CARD14: variants seen among roughly 807,000 people sequenced by gnomAD.
The protein encoded by CARD14 is caspase recruitment domain-containing protein 14.
In CARD14, 107 loss-of-function variants were observed where a neutral mutation model predicts 111.5. The ratio of observed to expected loss-of-function variants is 0.96; its 90% CI spans 0.82 to 1.13. The LOEUF is 1.13. CARD14 is among the 50% of genes most tolerant of loss of function. The pLI, the probability that CARD14 is intolerant of heterozygous loss-of-function variation, is 0.00. For synonymous variants in CARD14, 617 were observed against 579.6 expected (o/e 1.06, Z -0.93); for missense variants, 1,322 against 1,362.3 (o/e 0.97, Z 0.47).
At chr17:80,206,398 G>C (rs1408179744) in intron 22 of CARD14, among the ~76,000 whole-genome samples, 1 of 152,262 alleles carries the variant, frequency 6.6e-6, no homozygotes, top group Non-Finnish European at 1.5e-5. Flanking sequence ...AAGATTGCTT[G>C]AGCCCAGGAA....
chr17:80,205,395 G>T, intron 21 of CARD14, 136 bp from the exon 22 acceptor site: 2 of 1,295,878 alleles, frequency 1.5e-6, no homozygotes, highest in Non-Finnish European at 2.1e-6. Context: ...GCAGGGTCAG[G>T]TTTGTAAAGT....
In CARD14 at chr17:80,195,333, G is replaced by GGT. The variant is rs1351825003; in HGVS notation, c.1499+1_1499+2dup. On this transcript the variant is annotated frameshift_variant and splice_region_variant. Transcript: ENST00000648509. LOFTEE classifies it high-confidence loss of function. This position sits in a 1 kb window ranked among gnomAD's most constrained non-coding sequence, Gnocchi z 4.7. Reference sequence around the variant, plus strand: ...TTCGGGGAAGAACCCTGGTCTTTCAGGTAGAGCACTGGGGTCCTTCCTGGC... The same window carrying GGT: ...TTCGGGGAAGAACCCTGGTCTTTCAGGTGTAGAGCACTGGGGTCCTTCCTGGC... 6.2e-7 allele frequency: 1 copy of GGT among 1,609,924 alleles called. No homozygotes were observed. Among genetic ancestry groups the GGT allele is most frequent in the Non-Finnish European group, 8.5e-7 (1 of 1,177,678 alleles).
intron 16 of CARD14, among the ~76,000 whole-genome samples, chr17:80,200,004 G>A (rs1479638448): frequency 6.6e-6 from 1 of 152,134 alleles, no homozygotes; most frequent in Non-Finnish European, 1.5e-5. Context: ...CTCCAGGAGG[G>A]GACTGGGGAT....
intron 23 of CARD14, among the ~76,000 whole-genome samples, 176 bp from the exon 24 acceptor site, chr17:80,207,962 C>T (rs1447806640): frequency 6.6e-6 from 1 of 152,172 alleles, no homozygotes; most frequent in African/African-American, 2.4e-5. Flanking sequence ...AGGCTGTGTT[C>T]TAGACAACCT....
At position 80,205,109 on chromosome 17, in the gene CARD14, G is replaced by T. The variant is rs538251591; in HGVS notation, c.2473G>T (p.Ala825Ser). Residue 825 changes from alanine (A) to serine (S), a missense_variant, in exon 21 of 24, where the codon GCC becomes TCC. Transcript: ENST00000648509. ...PYTLVRPHRPARPRPVLLVPR... is the reference protein window; with the variant it reads ...PYTLVRPHRPSRPRPVLLVPR... The stretch of plus-strand genomic sequence containing the variant: ...TACCCTGGTGCGGCCCCATCGACCC[G>T]CCCGGCCCCGGCCTGTGCTCCTCGT... The T allele has an allele frequency of 6.2e-7, 1 of 1,613,542 alleles. No individual in the cohort carries two copies. The highest frequency in any genetic ancestry group is 8.5e-7 in the Non-Finnish European group (1 of 1,179,902).
At chr17:80,174,993 T>A (rs2039992396) in intron 2 of CARD14, among the ~76,000 whole-genome samples, 1 of 151,898 alleles carries the variant, frequency 6.6e-6, no homozygotes, top group African/African-American at 2.4e-5. Flanking sequence ...TTTTTTTTTT[T>A]AAGACAGGGT....
chr17:80,171,849 C>T (rs977880745), intron 1 of CARD14, among the ~76,000 whole-genome samples: 3 of 152,250 alleles, frequency 2.0e-5, no homozygotes, highest in Non-Finnish European at 4.4e-5. Context: ...TCAGACCCTC[C>T]TCAGGAGTCT....
chr17:80,181,372 G>C (rs891100005), intron 4 of CARD14, 47 bp from the exon 5 acceptor site: 5 of 1,419,644 alleles, frequency 3.5e-6, no homozygotes, highest in South Asian at 2.5e-5. Context: ...GGCTATCCTG[G>C]GGTCCTGCTT....
At chr17:80,190,637 A>G in intron 9 of CARD14, 137 bp from the exon 10 acceptor site, 2 of 834,810 alleles carry the variant, frequency 2.4e-6, no homozygotes, top group South Asian at 2.5e-5. Context: ...AAAGAGAGAG[A>G]GAGACGAGTG....
At chr17:80,181,246 A>C (rs1284485748) in intron 4 of CARD14, among the ~76,000 whole-genome samples, 173 bp from the exon 5 acceptor site, 1 of 152,164 alleles carries the variant, frequency 6.6e-6, no homozygotes, top group African/African-American at 2.4e-5. Flanking sequence ...CAGAATGGCA[A>C]ATGGCCACTG....
rs1019832214 is a variant in CARD14, at chr17:80,191,595, C to T, written c.1239+123C>T. Reference sequence around the variant, plus strand: ...AGGACAGGCAGGGTCCCAGGCTGGGCCACACGCGGCACCTGCAGAGACGGC... The same window carrying T: ...AGGACAGGCAGGGTCCCAGGCTGGGTCACACGCGGCACCTGCAGAGACGGC... On this transcript the variant is annotated intron_variant, in intron 11 of 23. Coordinates refer to ENST00000648509, the MANE Select transcript of CARD14 (RefSeq NM_001366385.1). 19 of 1,207,774 alleles carry T rather than the reference C, an allele frequency of 1.6e-5. No individual in the cohort carries two copies. In the East Asian group the frequency reaches 4.4e-4, roughly 28 times the overall value. 74.8% of individuals were successfully genotyped at this position (1,207,774 alleles called of 1,614,324 possible).
At chr17:80,176,349 A>G (rs2040026367) in intron 2 of CARD14, among the ~76,000 whole-genome samples, 1 of 149,876 alleles carries the variant, frequency 6.7e-6, no homozygotes, top group Non-Finnish European at 1.5e-5. Context: ...GCTAAGGTAG[A>G]GGATCACTTA....
intron 6 of CARD14, among the ~76,000 whole-genome samples, chr17:80,183,368 G>A (rs901160923): frequency 9.2e-5 from 14 of 152,228 alleles, no homozygotes; most frequent in Admixed American, 7.9e-4. Context: ...TTTTCCCTGT[G>A]TTCCAGCACG....
At chr17:80,205,753 C>T in intron 22 of CARD14, 101 bp downstream of exon 22, 1 of 1,271,470 alleles carries the variant, frequency 7.9e-7, no homozygotes, top group Non-Finnish European at 1.0e-6. Flanking sequence ...GACCTGAGAC[C>T]TGGGTGACCT....
At chr17:80,184,449 C>T (rs1029886016) in intron 7 of CARD14, among the ~76,000 whole-genome samples, 2 of 152,188 alleles carry the variant, frequency 1.3e-5, no homozygotes, top group Admixed American at 6.5e-5. Context: ...TGCATGGCGA[C>T]GAGGTGTGCC....
rs1429596987 is a variant in CARD14, at chr17:80,182,327, G to C, written c.212-326G>C. On this transcript the variant is annotated intron_variant, in intron 5 of 23. Transcript: ENST00000648509. The surrounding 1 kb of genome is among the most constrained non-coding windows in gnomAD (Gnocchi z 4.7). ...CTGCATCACCCACCAGCTTGCCAGG[G>C]AGGTGCTTGCAAGCAGGGACCCACC... 6.6e-6 allele frequency among the ~76,000 whole-genome samples: 1 copy of C among 152,198 alleles called. No individual in the cohort carries two copies. The highest frequency in any genetic ancestry group is 1.5e-5 in the Non-Finnish European group (1 of 68,036).
chr17:80,191,209 T>C, intron 10 of CARD14, 114 bp from the exon 11 acceptor site: 1 of 1,283,614 alleles, frequency 7.8e-7, no homozygotes, highest in Non-Finnish European at 1.1e-6. Flanking sequence ...CAGCTCAGCG[T>C]GGGCCATTTA....
chr17:80,201,666 T>TGCCCTCAGC lies in CARD14; in HGVS notation c.1852-74_1852-66dup. 6.5e-7 allele frequency: 1 copy of TGCCCTCAGC among 1,531,064 alleles called. No homozygotes were observed. Among genetic ancestry groups the TGCCCTCAGC allele is most frequent in the Non-Finnish European group, 9.0e-7 (1 of 1,107,190 alleles). The allele number at this position is 1,531,064 out of a possible 1,614,324, so 94.8% of individuals were successfully genotyped here. ...AGGGCTGGCCCGCGCCTCGCCTCAG[T>TGCCCTCAGC]GCCCTCAGCGCCTTCTGTCTTCTGG... On this transcript the variant is annotated intron_variant, in intron 16 of 23. Coordinates refer to ENST00000648509, the MANE Select transcript of CARD14 (RefSeq NM_001366385.1). The surrounding 1 kb of genome is among the most constrained non-coding windows in gnomAD (Gnocchi z 5.0).
intron 7 of CARD14, among the ~76,000 whole-genome samples, chr17:80,187,391 C>T (rs944518116): frequency 6.6e-6 from 1 of 152,246 alleles, no homozygotes. Flanking sequence ...TTCTCTCTGT[C>T]CTTGTCTGTC....
Sources: allele counts gnomAD v4.1 joint callset (sites outside exome capture counted in the v4.1 genomes callset), GRCh38; gene constraint gnomAD v4.1.1; non-coding constraint Gnocchi (gnomAD v3.1); transcripts MANE v1.5; gene names NCBI Gene and HGNC (gene_info 2026-07-23, HGNC 2026-07-21).